PCDHA9: variants seen among roughly 807,000 people sequenced by gnomAD.
PCDHA9 encodes protocadherin alpha 9, also known as protocadherin alpha-9.
A neutral mutation model predicts 62.0 loss-of-function variants in PCDHA9; 62 were observed. That is an observed-to-expected ratio of 1.00 (90% CI 0.81 to 1.23). The LOEUF (loss-of-function observed/expected upper bound fraction) is 1.23. PCDHA9 is among the 50% of genes most tolerant of loss of function. PCDHA9 has a pLI of 0.00. For missense variants in PCDHA9, 1,205 were observed against 1,249.8 expected (o/e 0.96, Z 0.54); for synonymous variants, 557 against 567.6 (o/e 0.98, Z 0.27).
chr5:140,858,097 G>A (rs2045175006), intron 1 of PCDHA9: 1 of 1,597,732 alleles, frequency 6.3e-7, no homozygotes, highest in Non-Finnish European at 8.6e-7. Context: ...GGGCTTCAGT[G>A]GGCGTGGCGC....
At chr5:140,876,602 G>C (rs572945874) in intron 1 of PCDHA9, 2 of 1,614,180 alleles carry the variant, frequency 1.2e-6, no homozygotes, top group Non-Finnish European at 1.7e-6. Flanking sequence ...GTGTCGGATC[G>C]TGACTCTGGA....
At chr5:140,967,784 C>G in intron 1 of PCDHA9, 1 of 1,614,174 alleles carries the variant, frequency 6.2e-7, no homozygotes, top group Non-Finnish European at 8.5e-7. Flanking sequence ...GGCGACTGAC[C>G]GGGGTCCAGT....
At chr5:140,976,586 T>C (rs1029704575) in intron 1 of PCDHA9, among the ~76,000 whole-genome samples, 2 of 151,988 alleles carry the variant, frequency 1.3e-5, no homozygotes, top group Non-Finnish European at 2.9e-5. Flanking sequence ...AAACACAGAC[T>C]TTTGTGTTAA....
chr5:140,969,058 T>C, intron 1 of PCDHA9: 1 of 1,614,166 alleles, frequency 6.2e-7, no homozygotes. Flanking sequence ...ACAACAATAT[T>C]GATGCCAGGA....
chr5:140,877,054 C>T (rs1226224209), intron 1 of PCDHA9: 3 of 1,612,658 alleles, frequency 1.9e-6, no homozygotes, highest in African/African-American at 2.7e-5. Flanking sequence ...CCACGAGGAG[C>T]TGGAGCTGCT....
In PCDHA9 at chr5:140,875,833, G is replaced by T. The variant is rs782436615; in HGVS notation, c.2394+24944G>T. The stretch of plus-strand genomic sequence containing the variant: ...GCCGCTGCAGGTTTTCCATGTGGAC[G>T]TGGAGGTGAAGGACATTAACGACAA... On this transcript the variant is annotated intron_variant, in intron 1 of 3. Coordinates refer to ENST00000532602, the MANE Select transcript of PCDHA9 (RefSeq NM_031857.2). 2.3e-5 allele frequency: 37 copies of T among 1,614,100 alleles called. No homozygotes were observed. The Admixed American group carries it at 6.0e-4, about 26-fold the overall frequency.
rs1436841742 is a variant in PCDHA9, at chr5:140,852,718, G to A, written c.2394+1829G>A. 4.1e-6 allele frequency: 4 copies of A among 981,606 alleles called. 1 individual carries two copies. The highest frequency in any genetic ancestry group is 4.9e-6 in the Non-Finnish European group (4 of 814,578). 60.8% of individuals were successfully genotyped at this position (981,606 alleles called of 1,614,324 possible). ...CTTTCAAGTATCTTTGTCTTTGCAC[G>A]TTTTTCAAGTTTCATGTGCCATTTA... is the stretch of plus-strand genomic sequence containing the variant. On this transcript the variant is annotated intron_variant, in intron 1 of 3. Coordinates refer to ENST00000532602, the MANE Select transcript of PCDHA9 (RefSeq NM_031857.2).
rs1489888830 is a variant in PCDHA9, at chr5:140,987,480, A to G, written c.2542+4917A>G. ...TGTTAAGAGCTCAAGCTTGGGAGTC[A>G]GTGACCCTTTCTGAATTCTACCTCT... is the stretch of plus-strand genomic sequence containing the variant. On this transcript the variant is annotated intron_variant, in intron 3 of 3. Coordinates refer to ENST00000532602, the MANE Select transcript of PCDHA9 (RefSeq NM_031857.2). Among the ~76,000 whole-genome samples, 6 of 152,310 alleles carry G rather than the reference A, an allele frequency of 3.9e-5. No homozygotes were observed. The South Asian group carries it at 1.2e-3, about 32-fold the overall frequency.
chr5:140,967,112 C>T (rs1338076103), intron 1 of PCDHA9: 4 of 1,612,876 alleles, frequency 2.5e-6, no homozygotes, highest in East Asian at 2.2e-5. Flanking sequence ...GCAGCGGCCT[C>T]GCTGCCTGCT....
intron 1 of PCDHA9, chr5:140,870,876 G>T: frequency 1.2e-6 from 2 of 1,613,958 alleles, no homozygotes; most frequent in Non-Finnish European, 1.7e-6. Flanking sequence ...ACGTGGTGGC[G>T]AAGGTGCGCG....
At chr5:140,941,629 A>G (rs965702759) in intron 1 of PCDHA9, among the ~76,000 whole-genome samples, 12 of 151,584 alleles carry the variant, frequency 7.9e-5, no homozygotes, top group African/African-American at 2.9e-4. Context: ...CTGCTTCTTA[A>G]TTTCTGTCTT....
At chr5:141,006,606 C>T (rs782461917) in intron 3 of PCDHA9, among the ~76,000 whole-genome samples, 3 of 152,112 alleles carry the variant, frequency 2.0e-5, no homozygotes, top group Non-Finnish European at 4.4e-5. Flanking sequence ...TGGAAGCAGA[C>T]TGAATAAGGA....
At chr5:140,970,693 G>C (rs2096425356) in intron 1 of PCDHA9, among the ~76,000 whole-genome samples, 1 of 152,134 alleles carries the variant, frequency 6.6e-6, no homozygotes, top group South Asian at 2.1e-4. Flanking sequence ...AGGGCTTTTA[G>C]AGCTACTACA....
At chr5:140,919,610 T>G (rs1173177727) in intron 1 of PCDHA9, among the ~76,000 whole-genome samples, 1 of 152,216 alleles carries the variant, frequency 6.6e-6, no homozygotes, top group Non-Finnish European at 1.5e-5. Flanking sequence ...AATTTTAAAC[T>G]GTATCTTTTG....
intron 1 of PCDHA9, chr5:140,870,673 C>T (rs1554164562): frequency 1.9e-6 from 3 of 1,612,666 alleles, no homozygotes; most frequent in Non-Finnish European, 1.7e-6. Context: ...GCCGTTGGAC[C>T]ACGAGGAGCT....
chr5:140,914,364 A>T lies in PCDHA9; in HGVS notation c.2394+63475A>T, dbSNP rs1256559741. 2.0e-5 allele frequency among the ~76,000 whole-genome samples: 3 copies of T among 152,096 alleles called. No individual in the cohort carries two copies. The East Asian group carries it at 5.8e-4, about 29-fold the overall frequency. On this transcript the variant is annotated intron_variant, in intron 1 of 3. Transcript: ENST00000532602. ...CTCTTTTTGGAGTTTTTGTCTTGAG[A>T]TCTATTTTATCTGTTATAAGTGTAG...
At chr5:140,994,163 G>A (rs2097601451) in intron 3 of PCDHA9, among the ~76,000 whole-genome samples, 1 of 152,200 alleles carries the variant, frequency 6.6e-6, no homozygotes, top group African/African-American at 2.4e-5. Flanking sequence ...CAACGAAGGG[G>A]AAGGAAGCTG....
At chr5:140,930,013 G>A (rs2086530432) in intron 1 of PCDHA9, 1 of 152,118 alleles carries the variant, frequency 6.6e-6, no homozygotes, top group Admixed American at 6.5e-5. Context: ...ATAGCTGATA[G>A]CTCCATAGCA....
intron 1 of PCDHA9, chr5:140,883,418 C>T: frequency 6.2e-7 from 1 of 1,614,172 alleles, no homozygotes; most frequent in Non-Finnish European, 8.5e-7. Flanking sequence ...CTCAAATGGA[C>T]AGGTCACCTG....
Sources: allele counts gnomAD v4.1 joint callset (sites outside exome capture counted in the v4.1 genomes callset), GRCh38; gene constraint gnomAD v4.1.1; transcripts MANE v1.5; gene names NCBI Gene and HGNC (gene_info 2026-07-23, HGNC 2026-07-21).